The following TCF3 variants were observed in gnomAD, a reference collection of about 807,000 sequenced individuals.
TCF3 encodes the protein transcription factor E2-alpha.
Under a neutral mutation model 72.3 loss-of-function variants are expected in TCF3, and 54 were observed. That is an observed-to-expected ratio of 0.75 (90% CI 0.60 to 0.94). TCF3 has a LOEUF of 0.94. TCF3 is among the 40% of genes least tolerant of loss of function. TCF3 has a pLI of 0.00. For synonymous variants in TCF3, 525 were observed against 412.6 expected (o/e 1.27, Z -3.30); for missense variants, 1,078 against 934.4 (o/e 1.15, Z -2.00).
In TCF3 at chr19:1,627,339, G is replaced by T; in HGVS notation, c.366+20C>A. ...TTGTTTAAAATCAAAATACACCCCA[G>T]CCCGGCCCGAGCCCCTCACCTGAGT... is the stretch of plus-strand genomic sequence containing the variant. On this transcript the variant is annotated intron_variant, in intron 6 of 18. Transcript: ENST00000262965. The T allele has an allele frequency of 1.3e-6, 2 of 1,598,784 alleles. No homozygotes were observed. The highest frequency in any genetic ancestry group is 1.7e-6 in the Non-Finnish European group (2 of 1,172,756).
At chr19:1,650,982 T>C (rs1285059613) in intron 1 of TCF3, 2 of 228,890 alleles carry the variant, frequency 8.7e-6, no homozygotes, top group African/African-American at 2.2e-5. Context: ...AAAACAGCCC[T>C]AGATTGCTTT....
chr19:1,650,740 T>G, intron 1 of TCF3: 3 of 228,698 alleles, frequency 1.3e-5, no homozygotes, highest in Non-Finnish European at 2.6e-5. Context: ...AATTTGGTGA[T>G]TCCCCCCTCC....
At chr19:1,639,703 T>C (rs1355976885) in intron 3 of TCF3, among the ~76,000 whole-genome samples, 1 of 142,140 alleles carries the variant, frequency 7.0e-6, no homozygotes, top group Admixed American at 7.4e-5. Context: ...GACCTCCAAC[T>C]TGGAACTCAG....
At chr19:1,624,351 G>GT (rs1472533166) in intron 7 of TCF3, among the ~76,000 whole-genome samples, 1 of 152,118 alleles carries the variant, frequency 6.6e-6, no homozygotes, top group African/African-American at 2.4e-5. Context: ...AGCCGAGATC[G>GT]TGTCACTGCA....
At chr19:1,633,055 G>A (rs910650836) in intron 3 of TCF3, among the ~76,000 whole-genome samples, 5 of 152,062 alleles carry the variant, frequency 3.3e-5, no homozygotes, top group African/African-American at 9.7e-5. Flanking sequence ...AGGAGTTCCC[G>A]GCGCAGCAAG....
chr19:1,621,201 A>G lies in TCF3; in HGVS notation c.956-10T>C, dbSNP rs1341657143. 4 of 1,534,538 alleles carry G rather than the reference A, an allele frequency of 2.6e-6. No individual in the cohort carries two copies. The Admixed American group carries it at 7.9e-5, about 30-fold the overall frequency. ...GTGGTCCCTCGGGAGCCTGTGGGTG[A>G]AGAGAGGTGAGGCCCACGCAGCCCG... On this transcript the variant is annotated splice_polypyrimidine_tract_variant and intron_variant, in intron 11 of 18. Transcript: ENST00000262965.
In TCF3 at chr19:1,630,710, G is replaced by A. The variant is rs191438225; in HGVS notation, c.298+1328C>T. 4.9e-4 allele frequency among the ~76,000 whole-genome samples: 75 copies of A among 152,224 alleles called. 2 individuals are homozygous for A. Among genetic ancestry groups the A allele is most frequent in the South Asian group, 1.4e-3 (7 of 4,832 alleles). ...ATCCCGCATCCCAGGATGACTGAGGGATGAAACCACAAATTCCACAGCTGA... is the reference window on the plus strand; with the variant it reads ...ATCCCGCATCCCAGGATGACTGAGGAATGAAACCACAAATTCCACAGCTGA... On this transcript the variant is annotated intron_variant, in intron 5 of 18. Coordinates refer to ENST00000262965, the MANE Select transcript of TCF3 (RefSeq NM_003200.5).
chr19:1,624,331 G>C (rs1568387576), intron 7 of TCF3, among the ~76,000 whole-genome samples: 1 of 152,146 alleles, frequency 6.6e-6, no homozygotes, highest in Admixed American at 6.5e-5. Flanking sequence ...GGGAGGCAGA[G>C]GCTGCAGTGA....
chr19:1,620,220 T>A (rs1245656014), intron 13 of TCF3, among the ~76,000 whole-genome samples: 1 of 152,156 alleles, frequency 6.6e-6, no homozygotes, highest in Non-Finnish European at 1.5e-5. Flanking sequence ...AAGCTCCAGG[T>A]GGGACCAGAC....
intron 3 of TCF3, among the ~76,000 whole-genome samples, chr19:1,640,125 G>A (rs2065027524): frequency 6.6e-6 from 1 of 152,210 alleles, no homozygotes; most frequent in Admixed American, 6.5e-5. Flanking sequence ...CAGGTGGAAA[G>A]ACAGGCGCCT....
chr19:1,624,217 G>A (rs1421472618), intron 7 of TCF3, among the ~76,000 whole-genome samples: 2 of 152,190 alleles, frequency 1.3e-5, no homozygotes, highest in Admixed American at 6.5e-5. Context: ...CCAACACAGT[G>A]AAACCCCGTC....
In TCF3 at chr19:1,621,860, G is replaced by T; in HGVS notation, c.933C>A (p.Val311=). 6.3e-7 allele frequency: 1 copy of T among 1,593,132 alleles called. No individual in the cohort carries two copies. The highest frequency in any genetic ancestry group is 8.5e-7 in the Non-Finnish European group (1 of 1,171,446). The change falls in exon 11 of 19, where the codon GTC becomes GTA. Residue 311 remains valine, a synonymous_variant. Coordinates refer to ENST00000262965, the MANE Select transcript of TCF3 (RefSeq NM_003200.5). ...YGGVSSHTPP[V]SGADSLLGSR... is the part of the protein sequence containing the mutation. ...TACCCAGGAGGCTGTCGGCCCCGCTGACAGGCGGCGTGTGGCTGGAGACGC... is the reference window on the plus strand; with the variant it reads ...TACCCAGGAGGCTGTCGGCCCCGCTTACAGGCGGCGTGTGGCTGGAGACGC...
intron 3 of TCF3, among the ~76,000 whole-genome samples, chr19:1,642,232 G>A (rs1187684878): frequency 1.3e-5 from 2 of 148,850 alleles, no homozygotes; most frequent in South Asian, 2.1e-4. Context: ...GCACAGACAC[G>A]CACGCGCAGA....
In TCF3 at chr19:1,610,393, A is replaced by G; in HGVS notation, c.*1314T>C. 4.4e-6 allele frequency: 1 copy of G among 225,130 alleles called. No individual in the cohort carries two copies. Among genetic ancestry groups the G allele is most frequent in the East Asian group, 6.4e-5 (1 of 15,742 alleles). The allele number at this position is 225,130 out of a possible 1,614,324, so 13.9% of individuals were successfully genotyped here. On this transcript the variant is annotated 3_prime_UTR_variant, in exon 19 of 19. Transcript: ENST00000262965. Reference sequence around the variant, plus strand: ...CCCCTGGCATCCTGTCTACGTCACGATGGCCCTCTGGTGTAATGGGGACAT... The same window carrying G: ...CCCCTGGCATCCTGTCTACGTCACGGTGGCCCTCTGGTGTAATGGGGACAT...
Position 1,632,424 on chromosome 19 carries a change from G to C in TCF3, c.146-19C>G, listed in dbSNP as rs1446705182. The C allele has an allele frequency of 6.3e-7, 1 of 1,581,288 alleles. No individual in the cohort carries two copies. Among genetic ancestry groups the C allele is most frequent in the Non-Finnish European group, 8.6e-7 (1 of 1,163,628 alleles). On this transcript the variant is annotated intron_variant, in intron 3 of 18. Coordinates refer to ENST00000262965, the MANE Select transcript of TCF3 (RefSeq NM_003200.5). ...TCAAGACCTGCAGGCAGGACAGAGA[G>C]AGTTATGGGTCACCCTCACGCCTGC...
chr19:1,640,258 G>A (rs554557826), intron 3 of TCF3, among the ~76,000 whole-genome samples: 4 of 152,142 alleles, frequency 2.6e-5, no homozygotes, highest in African/African-American at 9.6e-5. Flanking sequence ...AAATGAGGCC[G>A]GGCTCGGTGG....
At position 1,625,601 on chromosome 19, in the gene TCF3, C is replaced by G. The variant is rs755980732; in HGVS notation, c.474G>C (p.Arg158=). ...CTAGGCTGCCGTCTGCCGCTCTCCG[C>G]CGGGAGCTGCCGGAGTAGGAGGGGT... The part of the protein sequence containing the change: ...QYYPSYSGSS[R]RRAADGSLDT... The change falls in exon 7 of 19, where the codon CGG becomes CGC. Residue 158 remains arginine (R), a synonymous_variant. Coordinates refer to ENST00000262965, the MANE Select transcript of TCF3 (RefSeq NM_003200.5). 6.3e-7 allele frequency: 1 copy of G among 1,584,816 alleles called. No individual in the cohort carries two copies. Among genetic ancestry groups the G allele is most frequent in the Non-Finnish European group, 8.6e-7 (1 of 1,168,144 alleles).
In TCF3 at chr19:1,611,864, G is replaced by GA; in HGVS notation, c.1823-16dup. ...CAGGTTCCGCTCTGGAGGGAGGGGG[G>GA]AGAGCTCTGTGGGAGACGGTCCCAG... On this transcript the variant is annotated splice_polypyrimidine_tract_variant and intron_variant, in intron 18 of 18. Coordinates refer to ENST00000262965, the MANE Select transcript of TCF3 (RefSeq NM_003200.5). 6.3e-7 allele frequency: 1 copy of GA among 1,593,868 alleles called. No individual in the cohort carries two copies.
rs192739165 is a variant in TCF3, at chr19:1,624,956, C to T, written c.499+620G>A. ...GAACTCCCAGGGTCAAACCATCCTCCTGCCTCAGCCTCCTGAGTAGCTGGG... is the reference window on the plus strand; with the variant it reads ...GAACTCCCAGGGTCAAACCATCCTCTTGCCTCAGCCTCCTGAGTAGCTGGG... On this transcript the variant is annotated intron_variant, in intron 7 of 18. Coordinates refer to ENST00000262965, the MANE Select transcript of TCF3 (RefSeq NM_003200.5). 3.0e-3 allele frequency among the ~76,000 whole-genome samples: 459 copies of T among 152,360 alleles called. 4 individuals are homozygous for T. Among genetic ancestry groups the T allele is most frequent in the African/African-American group, 0.011 (438 of 41,596 alleles).
Sources: allele counts gnomAD v4.1 joint callset (sites outside exome capture counted in the v4.1 genomes callset), GRCh38; gene constraint gnomAD v4.1.1; transcripts MANE v1.5; gene names NCBI Gene and HGNC (gene_info 2026-07-23, HGNC 2026-07-21).